The following IYD variants were observed in gnomAD, a reference collection of about 807,000 sequenced individuals.
IYD encodes the protein iodotyrosine deiodinase 1.
A neutral mutation model predicts 28.4 loss-of-function variants in IYD; 25 were observed. The observed-to-expected ratio is 0.88, with a 90% CI of 0.64 to 1.23. The LOEUF (loss-of-function observed/expected upper bound fraction) is 1.23. Among genes scored for constraint, IYD ranks in the 50% most tolerant of loss-of-function variants. The pLI, the probability that IYD is intolerant of heterozygous loss-of-function variation, is 0.00. For missense variants in IYD, 352 were observed against 357.9 expected, an observed-to-expected ratio of 0.98 and a Z score of 0.13; for synonymous variants, 140 against 130.8, an observed-to-expected ratio of 1.07 and a Z score of -0.48.
chr6:150,391,717 T>A (rs1778125961), intron 2 of IYD, among the ~76,000 whole-genome samples: 1 of 152,176 alleles, frequency 6.6e-6, no homozygotes, highest in Non-Finnish European at 1.5e-5. Flanking sequence ...TTTTTGTTTT[T>A]ATTTTTTTGA....
At chr6:150,388,630 G>GCTTT (rs71010894) in intron 1 of IYD, among the ~76,000 whole-genome samples, 8,867 of 128,824 alleles carry the variant, frequency 0.069, 339 homozygotes, top group African/African-American at 0.089. Flanking sequence ...TGGAGTTTTT[G>GCTTT]CTTTCTTTCT....
chr6:150,394,406 G>A, intron 4 of IYD, 151 bp downstream of exon 4: 1 of 797,806 alleles, frequency 1.3e-6, no homozygotes. Flanking sequence ...TGGAAACCTG[G>A]ATTGGTGACT....
chr6:150,378,955 T>A (rs1777550989), intron 1 of IYD, among the ~76,000 whole-genome samples: 1 of 152,208 alleles, frequency 6.6e-6, no homozygotes, highest in African/African-American at 2.4e-5. Context: ...TTCCTCCTGG[T>A]CATGCTCATC....
intron 1 of IYD, among the ~76,000 whole-genome samples, chr6:150,381,779 G>A (rs944837859): frequency 4.6e-5 from 7 of 151,954 alleles, no homozygotes; most frequent in African/African-American, 1.5e-4. Context: ...TATTTGTAAG[G>A]GTCAAATATA....
chr6:150,373,708 A>G (rs575424663), intron 1 of IYD, among the ~76,000 whole-genome samples: 6 of 152,338 alleles, frequency 3.9e-5, no homozygotes, highest in African/African-American at 1.4e-4. Context: ...CCCCACAAAG[A>G]GTTGGCTTAC....
intron 1 of IYD, among the ~76,000 whole-genome samples, chr6:150,374,971 T>C (rs1239401794): frequency 6.6e-6 from 1 of 152,052 alleles, no homozygotes; most frequent in African/African-American, 2.4e-5. Flanking sequence ...TGCTTTGGGG[T>C]AATATGTTCT....
intron 3 of IYD, among the ~76,000 whole-genome samples, chr6:150,393,269 C>T (rs553756669): frequency 6.6e-6 from 1 of 152,260 alleles, no homozygotes; most frequent in South Asian, 2.1e-4. Flanking sequence ...CCAAGACAGC[C>T]CAGCTCCAGT....
chr6:150,382,638 A>G (rs1016344995), intron 1 of IYD, among the ~76,000 whole-genome samples: 3 of 151,970 alleles, frequency 2.0e-5, no homozygotes, highest in Non-Finnish European at 2.9e-5. Flanking sequence ...ATTCTCACCT[A>G]TGTTTTCTGT....
intron 4 of IYD, chr6:150,395,342 C>A: frequency 6.2e-6 from 8 of 1,299,316 alleles, no homozygotes; most frequent in South Asian, 1.3e-5. Flanking sequence ...CAAAGAAAAA[C>A]ATGTATGTTG....
In IYD at chr6:150,405,539, C is replaced by G. The variant is rs1459753519; in HGVS notation, c.*7302C>G. 1 of 152,164 alleles carries G rather than the reference C, an allele frequency of 6.6e-6. No individual in the cohort carries two copies. The highest frequency in any genetic ancestry group is 1.5e-5 in the Non-Finnish European group (1 of 68,064). The allele number at this position is 152,164 out of a possible 1,614,324, so 9.4% of individuals were successfully genotyped here. ...GCATGGCTGGGGAGGCCTCAGGAAA[C>G]TTACAATCATGGCAGAAAGAAAAGC... is the stretch of plus-strand genomic sequence containing the variant. On this transcript the variant is annotated 3_prime_UTR_variant, in exon 5 of 5. Transcript: ENST00000344419.
chr6:150,389,240 T>A, intron 1 of IYD, 112 bp from the exon 2 acceptor site: 1 of 736,600 alleles, frequency 1.4e-6, no homozygotes. Context: ...TTTATAGTAT[T>A]TTTTTGAGTT....
At chr6:150,394,583 G>A (rs1778242102) in intron 4 of IYD, among the ~76,000 whole-genome samples, 1 of 152,160 alleles carries the variant, frequency 6.6e-6, no homozygotes, top group Admixed American at 6.5e-5. Context: ...CCCTGGATAC[G>A]TTTACTGTTG....
At chr6:150,379,537 G>A (rs920047990) in intron 1 of IYD, among the ~76,000 whole-genome samples, 4 of 152,150 alleles carry the variant, frequency 2.6e-5, no homozygotes, top group Non-Finnish European at 4.4e-5. Context: ...CCTCATAGGA[G>A]TGATTACAGT....
intron 2 of IYD, among the ~76,000 whole-genome samples, chr6:150,391,658 G>A (rs947535792): frequency 1.6e-4 from 24 of 152,224 alleles, no homozygotes; most frequent in Middle Eastern, 3.4e-3. Flanking sequence ...TCACTGCCAG[G>A]CATTTGTTTT....
chr6:150,388,627 TTTGCTTTCTTTCTTTCTTTCTTTCTTTC>T (rs1777970922), intron 1 of IYD, among the ~76,000 whole-genome samples: 1 of 129,002 alleles, frequency 7.8e-6, no homozygotes, highest in Non-Finnish European at 1.6e-5. Flanking sequence ...GTCTGGAGTT[TTTGCTTTCTTTCTTTCTTTCTTTCTTTC>T]TTTCTTTCTT....
intron 1 of IYD, chr6:150,370,137 A>G: frequency 1.5e-6 from 1 of 674,758 alleles, no homozygotes; most frequent in Admixed American, 2.1e-5. Flanking sequence ...CCCATCCCCA[A>G]ACAGAGGCCA....
At chr6:150,372,784 G>T (rs1367827280) in intron 1 of IYD, among the ~76,000 whole-genome samples, 2 of 148,156 alleles carry the variant, frequency 1.3e-5, no homozygotes, top group East Asian at 4.0e-4. Flanking sequence ...GGGGTGGTGA[G>T]GGAACATTGT....
In IYD at chr6:150,403,755, T is replaced by C. The variant is rs934657678; in HGVS notation, c.*5518T>C. The C allele has an allele frequency of 2.0e-5, 3 of 152,240 alleles. No individual in the cohort carries two copies. Among genetic ancestry groups the C allele is most frequent in the Admixed American group, 6.5e-5 (1 of 15,286 alleles). 9.4% of individuals were successfully genotyped at this position (152,240 alleles called of 1,614,324 possible). A position where few individuals can be genotyped will look rare whatever the true frequency, so the allele number is the denominator to read the frequency against. On this transcript the variant is annotated 3_prime_UTR_variant, in exon 5 of 5. Transcript: ENST00000344419. ...GGCAGGGGATTGGTTTATGTTATTA[T>C]CATGACCTGAGAGTCATGGCTCAGA...
chr6:150,373,118 C>T (rs1777330488), intron 1 of IYD, among the ~76,000 whole-genome samples: 1 of 152,200 alleles, frequency 6.6e-6, no homozygotes, highest in African/African-American at 2.4e-5. Context: ...CATCCAAAAG[C>T]TATTATTCTA....
Sources: gnomAD v4.1 joint callset for allele counts (sites outside exome capture counted in the v4.1 genomes callset) on GRCh38, gnomAD v4.1.1 for gene constraint, MANE v1.5 for transcripts, NCBI Gene and HGNC (gene_info 2026-07-23, HGNC 2026-07-21) for gene names.